The following GRM1 variants were observed in gnomAD, a reference collection of about 807,000 sequenced individuals.
GRM1 encodes glutamate metabotropic receptor 1.
Under a neutral mutation model 90.9 loss-of-function variants are expected in GRM1, and 33 were observed. That is an observed-to-expected ratio of 0.36 (90% confidence interval 0.28 to 0.49). The LOEUF (loss-of-function observed/expected upper bound fraction) is 0.49, where lower values mean the gene tolerates loss of function less well. Among genes scored for constraint, GRM1 ranks in the 20% least tolerant of loss-of-function variants. The pLI is 0.99. For synonymous variants in GRM1, 700 were observed against 613.2 expected, an observed-to-expected ratio of 1.14 and a Z score of -2.09; for missense variants, 1,190 against 1,534.3, an observed-to-expected ratio of 0.78 and a Z score of 3.75.
At chr6:146,111,708 TGAA>T (rs755048731) in intron 1 of GRM1, among the ~76,000 whole-genome samples, 67 of 152,170 alleles carry the variant, frequency 4.4e-4, no homozygotes, top group Non-Finnish European at 7.8e-4. Flanking sequence ...GGGTAGTTGC[TGAA>T]GAAGGAGGCA....
chr6:146,143,261 A>G (rs921020707), intron 1 of GRM1, among the ~76,000 whole-genome samples: 1 of 152,202 alleles, frequency 6.6e-6, no homozygotes, highest in Non-Finnish European at 1.5e-5. Context: ...ACCCTGGGTA[A>G]AATCTATTTT....
chr6:146,425,231 T>C (rs1778153861), intron 7 of GRM1, among the ~76,000 whole-genome samples: 2 of 152,228 alleles, frequency 1.3e-5, no homozygotes, highest in African/African-American at 4.8e-5. Context: ...GGAAAATCTT[T>C]TCCTGCCTTA....
chr6:146,191,805 C>T (rs1778942479), intron 2 of GRM1, among the ~76,000 whole-genome samples: 1 of 152,096 alleles, frequency 6.6e-6, no homozygotes, highest in African/African-American at 2.4e-5. Flanking sequence ...TAAAAGCAAT[C>T]TATCACCTTT....
intron 3 of GRM1, among the ~76,000 whole-genome samples, chr6:146,305,228 A>G (rs540975427): frequency 9.2e-5 from 14 of 152,036 alleles, no homozygotes; most frequent in Admixed American, 9.2e-4. Context: ...GCTTGTTTAG[A>G]TACAGAAGTC....
chr6:146,319,377 A>G lies in GRM1; in HGVS notation c.1186+14531A>G, dbSNP rs562690001. ...GCTGTTTTGGGTACTGTAGACTTGT[A>G]GTATAGCTTGAAGTCAGGTAGTGTG... On this transcript the variant is annotated intron_variant, in intron 3 of 7. Coordinates refer to ENST00000282753, the MANE Select transcript of GRM1 (RefSeq NM_001278064.2). Among the ~76,000 whole-genome samples, 28 of 152,294 alleles carry G rather than the reference A, an allele frequency of 1.8e-4. No homozygotes were observed. The Middle Eastern group carries it at 0.02, about 111-fold the overall frequency.
At chr6:146,151,127 C>T (rs781098374) in intron 1 of GRM1, among the ~76,000 whole-genome samples, 1 of 152,050 alleles carries the variant, frequency 6.6e-6, no homozygotes, top group Non-Finnish European at 1.5e-5. Context: ...ATCTGTGACC[C>T]AAGGGACCAG....
intron 5 of GRM1, among the ~76,000 whole-genome samples, chr6:146,384,726 T>A (rs1776438187): frequency 6.6e-6 from 1 of 151,632 alleles, no homozygotes; most frequent in Middle Eastern, 3.4e-3. Flanking sequence ...TCAAGGGCGT[T>A]AAAACACAAG....
chr6:146,237,642 C>A (rs1020231886), intron 2 of GRM1, among the ~76,000 whole-genome samples: 3 of 152,012 alleles, frequency 2.0e-5, no homozygotes, highest in African/African-American at 7.2e-5. Context: ...TGTCCCTTAC[C>A]CCACTTCCAG....
chr6:146,336,789 A>G (rs1583345469), intron 3 of GRM1, among the ~76,000 whole-genome samples: 1 of 151,876 alleles, frequency 6.6e-6, no homozygotes, highest in East Asian at 1.9e-4. Flanking sequence ...CCAGTACCCG[A>G]CTCTGTATAT....
At chr6:146,273,453 A>G (rs9322054) in intron 2 of GRM1, among the ~76,000 whole-genome samples, 16,810 of 152,234 alleles carry the variant, frequency 0.11, 1,804 homozygotes, top group African/African-American at 0.28. Context: ...AAAAGAATCT[A>G]TGATTATTTC....
intron 1 of GRM1, among the ~76,000 whole-genome samples, chr6:146,135,897 C>T (rs1485533634): frequency 6.6e-6 from 1 of 151,846 alleles, no homozygotes; most frequent in Non-Finnish European, 1.5e-5. Flanking sequence ...TTTTTTTATA[C>T]CCATTAACTA....
intron 1 of GRM1, among the ~76,000 whole-genome samples, chr6:146,095,955 T>C (rs895044720): frequency 1.3e-5 from 2 of 152,178 alleles, no homozygotes; most frequent in African/African-American, 4.8e-5. Context: ...AGACATGTTC[T>C]AATGTGGCTC....
Position 146,437,494 on chromosome 6 carries a change from G to T in GRM1, c.*2698G>T, listed in dbSNP as rs1444606620. 6.6e-6 allele frequency: 1 copy of T among 152,598 alleles called. No individual in the cohort carries two copies. Among genetic ancestry groups the T allele is most frequent in the Non-Finnish European group, 1.5e-5 (1 of 68,022 alleles). The allele number at this position is 152,598 out of a possible 1,614,324, so 9.5% of individuals were successfully genotyped here. ...AACTCTTCACCTTGATGTATGTTCTGATACAAGTTGTTCAGCTTCTTGTAA... is the reference window on the plus strand; with the variant it reads ...AACTCTTCACCTTGATGTATGTTCTTATACAAGTTGTTCAGCTTCTTGTAA... On this transcript the variant is annotated 3_prime_UTR_variant, in exon 8 of 8. Transcript: ENST00000282753.
chr6:146,156,175 G>A (rs2128889953), intron 1 of GRM1, among the ~76,000 whole-genome samples: 1 of 152,300 alleles, frequency 6.6e-6, no homozygotes, highest in East Asian at 1.9e-4. Flanking sequence ...GGAGGCTGAG[G>A]CAGGTTGATC....
At chr6:146,076,478 A>G (rs777944911) in intron 1 of GRM1, among the ~76,000 whole-genome samples, 1 of 152,034 alleles carries the variant, frequency 6.6e-6, no homozygotes, top group Non-Finnish European at 1.5e-5. Context: ...AAGTTACTGG[A>G]TGGATTCTGG....
chr6:146,122,737 A>T (rs1331555739), intron 1 of GRM1, among the ~76,000 whole-genome samples: 1 of 151,120 alleles, frequency 6.6e-6, no homozygotes, highest in East Asian at 1.9e-4. Context: ...AGTAACCTCA[A>T]TCATTTTTGT....
chr6:146,348,559 C>A (rs937884629), intron 3 of GRM1, among the ~76,000 whole-genome samples: 1 of 152,186 alleles, frequency 6.6e-6, no homozygotes, highest in South Asian at 2.1e-4. Context: ...TTCAGATGGA[C>A]ACAAACACAC....
rs76814308 is a variant in GRM1 at position 146,090,528 on chromosome 6, A to C, written c.700+60311A>C. 8.0e-3 allele frequency among the ~76,000 whole-genome samples: 1,220 copies of C among 152,236 alleles called. 17 individuals are homozygous for C. The highest frequency in any genetic ancestry group is 0.028 in the African/African-American group (1,158 of 41,554). On this transcript the variant is annotated intron_variant, in intron 1 of 7. Coordinates refer to ENST00000282753, the MANE Select transcript of GRM1 (RefSeq NM_001278064.2). ...AAGTTTTTACACTAAAATGCGGCCT[A>C]CATTAAGATTAGCCTTTATTGGAGC... is the stretch of plus-strand genomic sequence containing the variant.
In GRM1 at chr6:146,322,574, C is replaced by CTTTTCTTTTA. The variant is rs375962682; in HGVS notation, c.1186+17732_1186+17733insCTTTTATTTT. ...GCACCTGACTGGGGCTGCTGCCTTT[C>CTTTTCTTTTA]TTTTATTTTATTTTATTTTATTTTA... On this transcript the variant is annotated intron_variant, in intron 3 of 7. Transcript: ENST00000282753. Among the ~76,000 whole-genome samples the CTTTTCTTTTA allele has an allele frequency of 8.3e-3, 1,203 of 144,962 alleles. 21 individuals are homozygous for CTTTTCTTTTA. The highest frequency in any genetic ancestry group is 0.03 in the African/African-American group (1,122 of 37,180).
Sources: gnomAD v4.1 joint callset for allele counts (sites outside exome capture counted in the v4.1 genomes callset) on GRCh38, gnomAD v4.1.1 for gene constraint, MANE v1.5 for transcripts, NCBI Gene and HGNC (gene_info 2026-07-23, HGNC 2026-07-21) for gene names.